Variants in ZFYVE19 observed in about 807,000 individuals in gnomAD.
The protein encoded by ZFYVE19 is abscission/NoCut checkpoint regulator.
ZFYVE19 carries 49 observed loss-of-function variants against 62.8 expected under a neutral mutation model. That is an observed-to-expected ratio of 0.78 (90% CI 0.62 to 0.99). The LOEUF is 0.99. Among genes scored for constraint, ZFYVE19 ranks in the 50% least tolerant of loss-of-function variants. The pLI is 0.00. For synonymous variants in ZFYVE19, 242 were observed against 234.3 expected (o/e 1.03, Z -0.30); for missense variants, 630 against 601.9 (o/e 1.05, Z -0.49).
intron 1 of ZFYVE19, chr15:40,808,867 G>C: frequency 2.3e-6 from 1 of 441,906 alleles, no homozygotes; most frequent in Non-Finnish European, 4.1e-6. Flanking sequence ...TACATCCCTG[G>C]GTCAGGGAAT....
intron 2 of ZFYVE19, 81 bp downstream of exon 2, chr15:40,809,321 G>T (rs556224931): frequency 2.5e-6 from 4 of 1,613,470 alleles, no homozygotes; most frequent in Middle Eastern, 1.7e-4. Context: ...GTACTCTGTC[G>T]CGAGAGTCAG....
In ZFYVE19 at chr15:40,813,387, G is replaced by A; in HGVS notation, c.1080G>A (p.Glu360=). 6.2e-7 allele frequency: 1 copy of A among 1,611,174 alleles called. No homozygotes were observed. The highest frequency in any genetic ancestry group is 1.7e-5 in the Admixed American group (1 of 59,680). ...RLPDSDDDED[E]ETAIQRVLQQ... ...CAGACAGTGATGACGACGAGGATGA[G>A]GAGACAGCCATCCAAAGAGTCCTGC... The change falls in exon 8 of 11, where the codon GAG becomes GAA. Residue 360 remains glutamate (E), a synonymous_variant. Transcript: ENST00000355341.
intron 5 of ZFYVE19, 138 bp from the exon 6 acceptor site, chr15:40,810,511 C>T (rs1019674467): frequency 7.8e-5 from 114 of 1,452,404 alleles, no homozygotes; most frequent in Admixed American, 3.1e-4. Context: ...CTGTTGGGGA[C>T]GGCCAGACCT....
At position 40,810,640 on chromosome 15, in the gene ZFYVE19, TC is replaced by T; in HGVS notation, c.718-8del. On this transcript the variant is annotated splice_region_variant and splice_polypyrimidine_tract_variant and intron_variant, in intron 5 of 10. Transcript: ENST00000355341. ...CCTGCTCTCCACTGAGGTTTCCTCG[TC>T]TGTGCAGGCACATCACACACCGGAC... 6.4e-7 allele frequency: 1 copy of T among 1,558,816 alleles called. No homozygotes were observed. The highest frequency in any genetic ancestry group is 8.7e-7 in the Non-Finnish European group (1 of 1,150,986).
rs1484517992 is a variant in ZFYVE19 at position 40,814,416 on chromosome 15, C to T, written c.*190C>T. 1.0e-5 allele frequency: 7 copies of T among 680,348 alleles called. No individual in the cohort carries two copies. The highest frequency in any genetic ancestry group is 5.6e-5 in the Admixed American group (2 of 35,474). The allele number at this position is 680,348 out of a possible 1,614,324, so 42.1% of individuals were successfully genotyped here. ...AGAGAATGACTGGGAGGGAAGAAGT[C>T]GGGGCCCTCCTATTAGAAGCCCAGA... On this transcript the variant is annotated 3_prime_UTR_variant, in exon 11 of 11. Coordinates refer to ENST00000355341, the MANE Select transcript of ZFYVE19 (RefSeq NM_001077268.2).
At chr15:40,813,531 C>G in intron 8 of ZFYVE19, 114 bp downstream of exon 8, 1 of 1,267,386 alleles carries the variant, frequency 7.9e-7, no homozygotes, top group Admixed American at 2.1e-5. Flanking sequence ...CTTTGGGCCC[C>G]CTCCTGTGAC....
At position 40,808,996 on chromosome 15, in the gene ZFYVE19, C is replaced by G. The variant is rs985236644; in HGVS notation, c.280-123C>G. 5.4e-6 allele frequency: 8 copies of G among 1,476,942 alleles called. No individual in the cohort carries two copies. In the African/African-American group the frequency reaches 1.1e-4, roughly 21 times the overall value. The allele number at this position is 1,476,942 out of a possible 1,614,324, so 91.5% of individuals were successfully genotyped here. A position where few individuals can be genotyped will look rare whatever the true frequency, so the allele number is the denominator to read the frequency against. ...CCTAGGCCTTAGGGGCCCCACTCCT[C>G]TTCTTCCTCCCAGCAGCTGGTCATA... is the stretch of plus-strand genomic sequence containing the variant. On this transcript the variant is annotated intron_variant, in intron 1 of 10. Coordinates refer to ENST00000355341, the MANE Select transcript of ZFYVE19 (RefSeq NM_001077268.2).
chr15:40,812,593 A>G, intron 6 of ZFYVE19, 106 bp from the exon 7 acceptor site: 1 of 808,126 alleles, frequency 1.2e-6, no homozygotes, highest in Non-Finnish European at 1.9e-6. Context: ...AAGAAAGAAA[A>G]AATTATTAAA....
rs771418924 is a variant in ZFYVE19 at position 40,810,265 on chromosome 15, C to G, written c.717+49C>G. The G allele has an allele frequency of 2.5e-6, 4 of 1,603,676 alleles. No homozygotes were observed. The Admixed American group carries it at 5.1e-5, about 21-fold the overall frequency. On this transcript the variant is annotated intron_variant, in intron 5 of 10. Coordinates refer to ENST00000355341, the MANE Select transcript of ZFYVE19 (RefSeq NM_001077268.2). ...AAGCGGGGGTGCTAGCGGGAGGACC[C>G]AGCAGAAGCCCAGATACAGGTATTG...
Position 40,807,767 on chromosome 15 carries a change from G to T in ZFYVE19, c.178G>T (p.Gly60Cys). The change falls in exon 1 of 11, where the codon GGC becomes TGC. Residue 60 changes from glycine to cysteine, a missense_variant. Physicochemically the swap from Gly to Cys is radical, Grantham distance 159 (BLOSUM62 -3). Transcript: ENST00000355341. Reference sequence around the variant, plus strand: ...TGAGGGTCCAAGGGGCCCAGGACTTGGCCGGCGTGATCTCAGCTCTGCAGA... The same window carrying T: ...TGAGGGTCCAAGGGGCCCAGGACTTTGCCGGCGTGATCTCAGCTCTGCAGA... Reference protein sequence around the residue: ...WGEGPRGPGLGRRDLSSADPA... With the variant: ...WGEGPRGPGLCRRDLSSADPA... The T allele has an allele frequency of 6.3e-7, 1 of 1,584,868 alleles. No homozygotes were observed. Among genetic ancestry groups the T allele is most frequent in the East Asian group, 2.2e-5 (1 of 44,680 alleles).
chr15:40,808,453 A>G (rs943642075), intron 1 of ZFYVE19: 11 of 1,560,510 alleles, frequency 7.0e-6, no homozygotes, highest in Non-Finnish European at 9.5e-6. Flanking sequence ...AATTAGTGTC[A>G]CGCAGGAAGG....
At chr15:40,809,021 A>C in intron 1 of ZFYVE19, 98 bp from the exon 2 acceptor site, 1 of 1,547,078 alleles carries the variant, frequency 6.5e-7, no homozygotes, top group Non-Finnish European at 8.8e-7. Context: ...AGCTGGTCAT[A>C]ACTTCAGTGA....
chr15:40,807,243 C>G lies in ZFYVE19; in HGVS notation c.-347C>G. On this transcript the variant is annotated 5_prime_UTR_variant, in exon 1 of 11. Coordinates refer to ENST00000355341, the MANE Select transcript of ZFYVE19 (RefSeq NM_001077268.2). The stretch of plus-strand genomic sequence containing the variant: ...GAGCCCGCCTGCGGAGGGCATAGCG[C>G]CGACCCTCGCTCCCCGCCCAGGACC... 6.4e-7 allele frequency: 1 copy of G among 1,572,284 alleles called. No individual in the cohort carries two copies. Among genetic ancestry groups the G allele is most frequent in the South Asian group, 1.1e-5 (1 of 87,102 alleles).
chr15:40,812,565 GA>G, intron 6 of ZFYVE19, 133 bp from the exon 7 acceptor site: 1 of 511,846 alleles, frequency 2.0e-6, no homozygotes, highest in Non-Finnish European at 3.0e-6. Flanking sequence ...AAAAAAGAAA[GA>G]AAGAAAGAAA....
In ZFYVE19 at chr15:40,809,459, G is replaced by A; in HGVS notation, c.452+1G>A. On this transcript the variant is annotated splice_donor_variant, in intron 3 of 10. Coordinates refer to ENST00000355341, the MANE Select transcript of ZFYVE19 (RefSeq NM_001077268.2). LOFTEE classifies it high-confidence loss of function. ...GGTCACCACCTCAGAACTATAAGAAGTAAGTGCTGAAGAGAAAAAGACAAA... is the reference window on the plus strand; with the variant it reads ...GGTCACCACCTCAGAACTATAAGAAATAAGTGCTGAAGAGAAAAAGACAAA... 2 of 1,614,128 alleles carry A rather than the reference G, an allele frequency of 1.2e-6. No individual in the cohort carries two copies. The highest frequency in any genetic ancestry group is 1.1e-5 in the South Asian group (1 of 91,080).
chr15:40,809,520 A>G, intron 3 of ZFYVE19, 62 bp downstream of exon 3: 2 of 1,577,800 alleles, frequency 1.3e-6, no homozygotes, highest in East Asian at 2.3e-5. Flanking sequence ...CCATAGGGAA[A>G]GACCCTGCCC....
chr15:40,812,652 G>C (rs375180271), intron 6 of ZFYVE19, 47 bp from the exon 7 acceptor site: 11 of 1,493,714 alleles, frequency 7.4e-6, no homozygotes, highest in African/African-American at 1.4e-5. Flanking sequence ...CTTCTGAGGA[G>C]AGATACTGGG....
chr15:40,808,121 C>A, intron 1 of ZFYVE19: 1 of 1,447,248 alleles, frequency 6.9e-7, no homozygotes, highest in Non-Finnish European at 9.5e-7. Flanking sequence ...GTCGTTTTTG[C>A]AAAGCTACTC....
Position 40,813,436 on chromosome 15 carries a change from C to T in ZFYVE19, c.1110+19C>T, listed in dbSNP as rs781228520. 1 of 1,584,324 alleles carries T rather than the reference C, an allele frequency of 6.3e-7. No homozygotes were observed. The highest frequency in any genetic ancestry group is 1.4e-5 in the African/African-American group (1 of 74,044). Reference sequence around the variant, plus strand: ...GCAGCAGGTGGGCCTGGATTACCCACCTGCCACCCCTTGTCCCGTCTCCGC... The same window carrying T: ...GCAGCAGGTGGGCCTGGATTACCCATCTGCCACCCCTTGTCCCGTCTCCGC... On this transcript the variant is annotated intron_variant, in intron 8 of 10. Transcript: ENST00000355341.
Sources: gnomAD v4.1 joint callset for allele counts on GRCh38, gnomAD v4.1.1 for gene constraint, MANE v1.5 for transcripts, NCBI Gene and HGNC (gene_info 2026-07-23, HGNC 2026-07-21) for gene names.